The following CENPW variants were observed in gnomAD, a reference collection of about 807,000 sequenced individuals.
The protein encoded by CENPW is centromere protein W.
Under a neutral mutation model 11.1 loss-of-function variants are expected in CENPW, and 3 were observed. The observed-to-expected ratio is 0.27, with a 90% confidence interval of 0.12 to 0.70. The LOEUF is 0.70. Ranked by LOEUF, CENPW falls within the 30% of genes least tolerant of loss-of-function variation. CENPW has a pLI of 0.77. For missense variants in CENPW, 100 were observed against 105.6 expected, an observed-to-expected ratio of 0.95 and a Z score of 0.23; for synonymous variants, 38 against 42.0, an observed-to-expected ratio of 0.91 and a Z score of 0.37.
chr6:126,412,050 C>T, the CENPW span, among the ~76,000 whole-genome samples: 1 of 134,142 alleles, frequency 7.5e-6, no homozygotes, highest in African/African-American at 2.7e-5. Flanking sequence ...CTCCATCCCT[C>T]CACCCCTCCC....
chr6:126,410,567 A>G, the CENPW span, among the ~76,000 whole-genome samples: 9 of 151,818 alleles, frequency 5.9e-5, no homozygotes, highest in Non-Finnish European at 1.3e-4. Context: ...TTTTTCAGCA[A>G]TTATTTTACA....
At chr6:126,391,988 G>GT in the CENPW span, among the ~76,000 whole-genome samples, 2 of 151,800 alleles carry the variant, frequency 1.3e-5, no homozygotes, top group African/African-American at 2.4e-5. Flanking sequence ...TTTTAGGATA[G>GT]TTTTTTCTAT....
the CENPW span, among the ~76,000 whole-genome samples, chr6:126,367,738 G>A: frequency 6.6e-6 from 1 of 152,128 alleles, no homozygotes; most frequent in Non-Finnish European, 1.5e-5. Context: ...TAGGGACAGT[G>A]AAACTCATTT....
chr6:126,456,403 G>A, the CENPW span, among the ~76,000 whole-genome samples: 1 of 151,024 alleles, frequency 6.6e-6, no homozygotes, highest in Non-Finnish European at 1.5e-5. Flanking sequence ...GAGGACACAC[G>A]CTTACACCCA....
the CENPW span, among the ~76,000 whole-genome samples, chr6:126,412,169 G>T: frequency 8.3e-6 from 1 of 121,070 alleles, no homozygotes; most frequent in East Asian, 2.5e-4. Flanking sequence ...TAAATTTTTT[G>T]TAAAGGTAGA....
chr6:126,368,880 C>G, the CENPW span, among the ~76,000 whole-genome samples: 1 of 152,066 alleles, frequency 6.6e-6, no homozygotes, highest in Admixed American at 6.6e-5. Flanking sequence ...CTCCTGATCT[C>G]GTGATCCACG....
At chr6:126,352,987 T>TAG (rs1328621657), downstream of CENPW, among the ~76,000 whole-genome samples, 1 of 152,082 alleles carries the variant, frequency 6.6e-6, no homozygotes, top group Non-Finnish European at 1.5e-5. Context: ...ATATAAACTT[T>TAG]TACTAAAGAT....
chr6:126,439,980 A>G, the CENPW span, among the ~76,000 whole-genome samples: 1 of 151,588 alleles, frequency 6.6e-6, no homozygotes, highest in Admixed American at 6.6e-5. Flanking sequence ...TTTCTTTACC[A>G]TTTTGATTGC....
At chr6:126,391,492 C>G in the CENPW span, among the ~76,000 whole-genome samples, 1 of 151,806 alleles carries the variant, frequency 6.6e-6, no homozygotes, top group Non-Finnish European at 1.5e-5. Flanking sequence ...CACATTTGTT[C>G]ATTTTTGCTT....
the CENPW span, among the ~76,000 whole-genome samples, chr6:126,366,250 T>A: frequency 6.6e-6 from 1 of 152,102 alleles, no homozygotes; most frequent in African/African-American, 2.4e-5. Context: ...TACTCTGTAA[T>A]TTTAAAAAAA....
At chr6:126,345,496 G>T (rs1253956331) in intron 1 of CENPW, among the ~76,000 whole-genome samples, 1 of 151,690 alleles carries the variant, frequency 6.6e-6, no homozygotes, top group Non-Finnish European at 1.5e-5. Flanking sequence ...AATAGTACAC[G>T]GTTTCCGTGT....
the CENPW span, among the ~76,000 whole-genome samples, chr6:126,409,713 G>A: frequency 4.0e-5 from 6 of 151,870 alleles, no homozygotes; most frequent in South Asian, 2.1e-4. Context: ...TTTATCCAAT[G>A]TAAGTATAGT....
the CENPW span, among the ~76,000 whole-genome samples, chr6:126,452,590 C>T: frequency 2.0e-5 from 3 of 150,708 alleles, no homozygotes; most frequent in Admixed American, 2.0e-4. Context: ...AGTAGAACAA[C>T]AGAGGAAAAA....
At chr6:126,393,997 T>C in the CENPW span, among the ~76,000 whole-genome samples, 1 of 151,874 alleles carries the variant, frequency 6.6e-6, no homozygotes, top group Non-Finnish European at 1.5e-5. Flanking sequence ...TTTTTGCATC[T>C]CTTCATTTTC....
the CENPW span, among the ~76,000 whole-genome samples, chr6:126,464,090 T>C: frequency 6.6e-6 from 1 of 151,964 alleles, no homozygotes; most frequent in Non-Finnish European, 1.5e-5. Flanking sequence ...CAAAATCAAA[T>C]CCAACAATAT....
the CENPW span, among the ~76,000 whole-genome samples, chr6:126,376,500 C>T: frequency 2.0e-5 from 3 of 152,170 alleles, no homozygotes; most frequent in East Asian, 5.8e-4. Flanking sequence ...TCATTTCAGT[C>T]ATTACTATTT....
chr6:126,401,343 C>T, the CENPW span, among the ~76,000 whole-genome samples: 80 of 152,088 alleles, frequency 5.3e-4, 1 homozygote, highest in Middle Eastern at 0.02. Context: ...ACTTGGGCTT[C>T]GGAGAGGGTG....
chr6:126,413,491 T>C, the CENPW span, among the ~76,000 whole-genome samples: 38 of 152,100 alleles, frequency 2.5e-4, no homozygotes, highest in East Asian at 1.2e-3. Flanking sequence ...AAAAGCCATC[T>C]TTCAACAATG....
the CENPW span, among the ~76,000 whole-genome samples, chr6:126,444,773 A>C: frequency 6.6e-6 from 1 of 151,156 alleles, no homozygotes; most frequent in Non-Finnish European, 1.5e-5. Flanking sequence ...CCTTACAAAA[A>C]CTTTACATGT....
Sources: allele counts gnomAD v4.1 joint callset (sites outside exome capture counted in the v4.1 genomes callset), GRCh38; gene constraint gnomAD v4.1.1; transcripts MANE v1.5; gene names NCBI Gene and HGNC (gene_info 2026-07-23, HGNC 2026-07-21).